The following AUTS2 variants were observed in gnomAD, a reference collection of about 807,000 sequenced individuals.
AUTS2 encodes autism susceptibility gene 2 protein.
Under a neutral mutation model 112.4 loss-of-function variants are expected in AUTS2, and 17 were observed. The ratio of observed to expected loss-of-function variants is 0.15; its 90% CI spans 0.10 to 0.23. AUTS2 has a LOEUF of 0.23. AUTS2 is among the 10% of genes least tolerant of loss of function. AUTS2 has a pLI of 1.00. For missense variants in AUTS2, 1,510 were observed against 1,701.6 expected, an observed-to-expected ratio of 0.89 and a Z score of 1.98; for synonymous variants, 751 against 702.7, an observed-to-expected ratio of 1.07 and a Z score of -1.09.
chr7:69,748,442 T>G (rs1391053747), intron 1 of AUTS2, among the ~76,000 whole-genome samples: 1 of 152,198 alleles, frequency 6.6e-6, no homozygotes, highest in Non-Finnish European at 1.5e-5. Flanking sequence ...GGCAGTCTCT[T>G]TATCTTAAGT....
At chr7:70,775,146 G>C (rs1390635576) in intron 12 of AUTS2, 104 of 585,984 alleles carry the variant, frequency 1.8e-4, no homozygotes, top group Non-Finnish European at 6.0e-6. Flanking sequence ...GCTTGTCAGC[G>C]TAGATGTACC....
At chr7:70,703,809 C>T (rs75366544) in intron 6 of AUTS2, among the ~76,000 whole-genome samples, 2,128 of 152,210 alleles carry the variant, frequency 0.014, 45 homozygotes, top group African/African-American at 0.043. Context: ...TTATTTTTCT[C>T]CCTCTGGACC....
At position 70,294,382 on chromosome 7, in the gene AUTS2, C is replaced by G. The variant is rs1270934368; in HGVS notation, c.661-141370C>G. ...TTCCCCACTGAGTCCATTACATTCC[C>G]AAGTCAAACTGCATCCTCTCTTCCT... On this transcript the variant is annotated intron_variant, in intron 4 of 18. Coordinates refer to ENST00000342771, the MANE Select transcript of AUTS2 (RefSeq NM_015570.4). The G allele has an allele frequency of 1.3e-5, 2 of 152,160 alleles. 1 individual carries two copies. Among genetic ancestry groups the G allele is most frequent in the African/African-American group, 4.8e-5 (2 of 41,444 alleles). The allele number at this position is 152,160 out of a possible 1,614,324, so 9.4% of individuals were successfully genotyped here.
chr7:70,551,188 C>T (rs1801002119), intron 5 of AUTS2, among the ~76,000 whole-genome samples: 2 of 152,018 alleles, frequency 1.3e-5, no homozygotes, highest in African/African-American at 4.8e-5. Context: ...GGAGAAGGAA[C>T]AAACCTCCCA....
chr7:70,123,237 C>T (rs1280886778), intron 3 of AUTS2, among the ~76,000 whole-genome samples: 1 of 152,144 alleles, frequency 6.6e-6, no homozygotes, highest in East Asian at 1.9e-4. Context: ...AAAGCAACAC[C>T]TACCTGCACA....
chr7:70,114,434 T>C (rs566591082), intron 2 of AUTS2, among the ~76,000 whole-genome samples: 1 of 152,330 alleles, frequency 6.6e-6, no homozygotes, highest in East Asian at 1.9e-4. Context: ...AGGTGAAGGA[T>C]TACAACTTCT....
intron 6 of AUTS2, among the ~76,000 whole-genome samples, chr7:70,754,077 C>T (rs559351292): frequency 3.9e-5 from 6 of 152,052 alleles, no homozygotes; most frequent in Non-Finnish European, 8.8e-5. Flanking sequence ...AAGAGAATGG[C>T]GTGAACCCAG....
In AUTS2 at chr7:70,325,814, T is replaced by C. The variant is rs1334841655; in HGVS notation, c.661-109938T>C. Among the ~76,000 whole-genome samples the C allele has an allele frequency of 2.0e-5, 3 of 152,140 alleles. No homozygotes were observed. The East Asian group carries it at 5.8e-4, about 29-fold the overall frequency. ...GGAGGCAGGAAAAGAGGGCAAGCCT[T>C]ATCAAGCTGCTGTGGGGATGAATCC... is the stretch of plus-strand genomic sequence containing the variant. On this transcript the variant is annotated intron_variant, in intron 4 of 18. Coordinates refer to ENST00000342771, the MANE Select transcript of AUTS2 (RefSeq NM_015570.4).
chr7:70,675,927 C>T (rs768533539), intron 5 of AUTS2, among the ~76,000 whole-genome samples: 1 of 152,154 alleles, frequency 6.6e-6, no homozygotes, highest in Admixed American at 6.5e-5. Flanking sequence ...ACAAGCCCAC[C>T]AGGCTGAAGG....
At chr7:70,528,462 C>T (rs1419410049) in intron 5 of AUTS2, among the ~76,000 whole-genome samples, 1 of 152,040 alleles carries the variant, frequency 6.6e-6, no homozygotes, top group Non-Finnish European at 1.5e-5. Context: ...TACTGCATTA[C>T]TTTATCATGG....
intron 2 of AUTS2, among the ~76,000 whole-genome samples, chr7:70,021,028 G>A (rs924219356): frequency 6.6e-6 from 1 of 151,732 alleles, no homozygotes; most frequent in Non-Finnish European, 1.5e-5. Context: ...TTGAGCCCAG[G>A]CTGGAGTGCA....
At chr7:70,623,109 G>A (rs1162022727) in intron 5 of AUTS2, among the ~76,000 whole-genome samples, 1 of 152,162 alleles carries the variant, frequency 6.6e-6, no homozygotes, top group African/African-American at 2.4e-5. Context: ...AATGGCTTCG[G>A]GAAGCATTTG....
At chr7:69,880,833 C>T (rs551248658) in intron 1 of AUTS2, among the ~76,000 whole-genome samples, 2 of 152,140 alleles carry the variant, frequency 1.3e-5, no homozygotes, top group East Asian at 1.9e-4. Flanking sequence ...ATGTACAGAA[C>T]CACTCCAGCA....
chr7:69,809,334 T>A (rs992329634), intron 1 of AUTS2, among the ~76,000 whole-genome samples: 1 of 152,114 alleles, frequency 6.6e-6, no homozygotes, highest in Non-Finnish European at 1.5e-5. Flanking sequence ...CGCCTTGGCC[T>A]CCCAAAGTGC....
chr7:70,214,046 G>A (rs1811053967), intron 4 of AUTS2, among the ~76,000 whole-genome samples: 1 of 152,164 alleles, frequency 6.6e-6, no homozygotes, highest in Admixed American at 6.5e-5. Context: ...TAACACAGGA[G>A]GATTAGACCT....
intron 4 of AUTS2, among the ~76,000 whole-genome samples, chr7:70,245,142 G>GTATATATATATATATA (rs1225794976): frequency 1.9e-4 from 14 of 72,230 alleles, no homozygotes; most frequent in African/African-American, 7.7e-4. Flanking sequence ...AAGTGTGTGT[G>GTATATATATATATATA]TGTATATATA....
At chr7:70,470,550 A>G (rs1797338922) in intron 5 of AUTS2, among the ~76,000 whole-genome samples, 1 of 152,216 alleles carries the variant, frequency 6.6e-6, no homozygotes, top group South Asian at 2.1e-4. Context: ...CTATCTAAAC[A>G]TGGACTGGGC....
chr7:70,549,867 A>G (rs1173296982), intron 5 of AUTS2, among the ~76,000 whole-genome samples: 2 of 152,174 alleles, frequency 1.3e-5, no homozygotes, highest in African/African-American at 2.4e-5. Flanking sequence ...CATTTATGTA[A>G]CCCACTGGAA....
intron 4 of AUTS2, among the ~76,000 whole-genome samples, chr7:70,229,408 A>G (rs939371321): frequency 6.6e-6 from 1 of 151,986 alleles, no homozygotes; most frequent in African/African-American, 2.4e-5. Flanking sequence ...TCTGCCTTCC[A>G]TTATTTCTGA....
Sources: gnomAD v4.1 joint callset for allele counts (sites outside exome capture counted in the v4.1 genomes callset) on GRCh38, gnomAD v4.1.1 for gene constraint, MANE v1.5 for transcripts, NCBI Gene and HGNC (gene_info 2026-07-23, HGNC 2026-07-21) for gene names.